TMEM156: variants seen among roughly 807,000 people sequenced by gnomAD.
The protein encoded by TMEM156 is transmembrane protein 156.
Under a neutral mutation model 30.5 loss-of-function variants are expected in TMEM156, and 28 were observed. That is an observed-to-expected ratio of 0.92 (90% CI 0.68 to 1.26). TMEM156 has a LOEUF of 1.26. TMEM156 is among the 50% of genes most tolerant of loss of function. The pLI, the probability that TMEM156 is intolerant of heterozygous loss-of-function variation, is 0.00. For missense variants in TMEM156, 351 were observed against 340.6 expected (o/e 1.03, Z -0.24); for synonymous variants, 137 against 119.9 (o/e 1.14, Z -0.93).
intron 1 of TMEM156, among the ~76,000 whole-genome samples, chr4:39,022,486 A>G (rs1050733184): frequency 6.6e-6 from 1 of 152,144 alleles, no homozygotes; most frequent in Non-Finnish European, 1.5e-5. Context: ...AGCCATACGT[A>G]TTTATAATTC....
At chr4:38,989,780 TTTATTTTATC>T (rs1241352428) in intron 3 of TMEM156, among the ~76,000 whole-genome samples, 1 of 152,000 alleles carries the variant, frequency 6.6e-6, no homozygotes, top group African/African-American at 2.4e-5. Context: ...TTTATTTTAT[TTTATTTTATC>T]TTATTTTATT....
intron 3 of TMEM156, among the ~76,000 whole-genome samples, chr4:38,992,665 C>CATATATATATT (rs1560366500): frequency 2.0e-5 from 2 of 97,868 alleles, no homozygotes; most frequent in African/African-American, 7.9e-5. Context: ...CAATGTGCTA[C>CATATATATATT]ATATATATAT....
At chr4:38,996,539 T>C (rs550689770) in intron 2 of TMEM156, among the ~76,000 whole-genome samples, 2 of 152,174 alleles carry the variant, frequency 1.3e-5, no homozygotes, top group East Asian at 3.9e-4. Context: ...GCCACTGCAT[T>C]TCAGCTTTGA....
chr4:39,016,119 T>TA (rs1237794042), intron 1 of TMEM156, among the ~76,000 whole-genome samples: 4 of 152,204 alleles, frequency 2.6e-5, no homozygotes, highest in African/African-American at 9.6e-5. Context: ...CTCACGCCTG[T>TA]AATCCAGCAC....
rs1175124663 is a variant in TMEM156, at chr4:38,988,834, A to G, written c.739+17T>C. ...AAGAGATCAGGAGTTCCTCGGCACT[A>G]CAGGGATTATACTTACTCTGCCACT... On this transcript the variant is annotated intron_variant, in intron 4 of 6. Transcript: ENST00000381938. 1.9e-6 allele frequency: 3 copies of G among 1,613,910 alleles called. No individual in the cohort carries two copies. The highest frequency in any genetic ancestry group is 1.1e-5 in the South Asian group (1 of 91,070).
At chr4:38,967,954 T>C (rs1333981442) in intron 6 of TMEM156, among the ~76,000 whole-genome samples, 2 of 152,236 alleles carry the variant, frequency 1.3e-5, no homozygotes, top group Admixed American at 1.3e-4. Flanking sequence ...TTTTGAGAAA[T>C]CTCCATACTG....
chr4:39,015,879 T>C (rs1414503613), intron 1 of TMEM156, among the ~76,000 whole-genome samples: 1 of 152,094 alleles, frequency 6.6e-6, no homozygotes, highest in Non-Finnish European at 1.5e-5. Flanking sequence ...TGGCACTCAT[T>C]CCCTCTTTGC....
chr4:39,032,258 A>C lies in TMEM156; in HGVS notation c.56T>G (p.Leu19Ter). 1 of 1,609,880 alleles carries C rather than the reference A, an allele frequency of 6.2e-7. No homozygotes were observed. Reference protein sequence around the residue: ...LFVAIVITFILILPEYFKTPK... With the variant: ...LFVAIVITFI ...TGTCTTGAAATATTCCGGCAAAATT[A>C]AAATGAATGTGATCACTATTGCCAC... Residue 19 changes from leucine to a stop codon, truncating the protein, a stop_gained, in exon 1 of 7, where the codon TTA becomes TGA. Transcript: ENST00000381938. LOFTEE classifies it high-confidence loss of function.
chr4:38,984,320 T>G (rs1711791196), intron 5 of TMEM156, among the ~76,000 whole-genome samples: 3 of 133,370 alleles, frequency 2.2e-5, no homozygotes, highest in Non-Finnish European at 1.5e-5. Context: ...TCTCTCTCTC[T>G]CTCTTTCTCT....
rs148909241 is a variant in TMEM156, at chr4:38,971,073, T to C, written c.888A>G (p.Leu296=). 1,841 of 1,613,920 alleles carry C rather than the reference T, an allele frequency of 1.1e-3. 3 individuals carry two copies. Among genetic ancestry groups the C allele is most frequent in the Middle Eastern group, 3.0e-3 (18 of 6,062 alleles). Residue 296 remains leucine, a synonymous_variant, in exon 6 of 7, where the codon CTA becomes CTG. Transcript: ENST00000381938. ...VQEVLPPIPE[L] The stretch of plus-strand genomic sequence containing the variant: ...ACTGATGCACTGTGGAAGTAACTTA[T>C]AGTTCTGGAATTGGGGGAAGCACTT...
intron 5 of TMEM156, among the ~76,000 whole-genome samples, chr4:38,974,470 A>G (rs1362630379): frequency 6.6e-6 from 1 of 152,114 alleles, no homozygotes; most frequent in Non-Finnish European, 1.5e-5. Context: ...GCAACAGTTT[A>G]AATACATTGG....
At chr4:39,029,000 A>G (rs1202025292) in intron 1 of TMEM156, among the ~76,000 whole-genome samples, 1 of 152,210 alleles carries the variant, frequency 6.6e-6, no homozygotes, top group Non-Finnish European at 1.5e-5. Context: ...TATACTGTGT[A>G]ATTGTGATAA....
chr4:39,031,772 T>C (rs1242148601), intron 1 of TMEM156, among the ~76,000 whole-genome samples: 1 of 151,026 alleles, frequency 6.6e-6, no homozygotes, highest in Non-Finnish European at 1.5e-5. Flanking sequence ...TAATCCCAGC[T>C]ACTCGGAGGC....
intron 1 of TMEM156, among the ~76,000 whole-genome samples, chr4:39,025,822 A>C (rs139329246): frequency 4.6e-5 from 7 of 152,344 alleles, no homozygotes; most frequent in Admixed American, 2.6e-4. Flanking sequence ...ACACGCTAGC[A>C]CAACTTAAAA....
chr4:38,989,661 G>A (rs141035011), intron 3 of TMEM156, among the ~76,000 whole-genome samples: 21 of 152,250 alleles, frequency 1.4e-4, no homozygotes, highest in African/African-American at 4.8e-4. Context: ...AGCTTAGCAC[G>A]GTCTCCCATG....
chr4:38,978,060 G>A (rs913307474), intron 5 of TMEM156, among the ~76,000 whole-genome samples: 1 of 151,920 alleles, frequency 6.6e-6, no homozygotes, highest in Non-Finnish European at 1.5e-5. Flanking sequence ...AGGTGTTTTC[G>A]TTACTTTGGT....
At chr4:38,978,600 T>C (rs1223144119) in intron 5 of TMEM156, among the ~76,000 whole-genome samples, 1 of 152,098 alleles carries the variant, frequency 6.6e-6, no homozygotes, top group Non-Finnish European at 1.5e-5. Flanking sequence ...GTAACAAAAA[T>C]AAAATGGTCC....
At chr4:39,003,889 G>A (rs1037024608) in intron 1 of TMEM156, among the ~76,000 whole-genome samples, 1 of 152,076 alleles carries the variant, frequency 6.6e-6, no homozygotes, top group Non-Finnish European at 1.5e-5. Context: ...ACTGTCAATA[G>A]TGTAGTCTTC....
intron 5 of TMEM156, among the ~76,000 whole-genome samples, chr4:38,977,049 G>C (rs1274145840): frequency 6.6e-6 from 1 of 152,164 alleles, no homozygotes; most frequent in African/African-American, 2.4e-5. Flanking sequence ...GGGACTGCAA[G>C]CGTGCACCAC....
Sources: allele counts gnomAD v4.1 joint callset (sites outside exome capture counted in the v4.1 genomes callset), GRCh38; gene constraint gnomAD v4.1.1; transcripts MANE v1.5; gene names NCBI Gene and HGNC (gene_info 2026-07-23, HGNC 2026-07-21).